Variants in BCAS3 observed in about 807,000 individuals in gnomAD.
BCAS3 encodes the protein BCAS4/BCAS3 fusion.
BCAS3 carries 53 observed loss-of-function variants against 116.1 expected under a neutral mutation model. The observed-to-expected ratio is 0.46, with a 90% confidence interval of 0.37 to 0.57. BCAS3 has a LOEUF of 0.57. Ranked by LOEUF, BCAS3 falls within the 20% of genes least tolerant of loss-of-function variation. The probability of loss-of-function intolerance (pLI) is 0.00; values close to 1 mark genes in which losing one functional copy is unlikely to be tolerated. For missense variants in BCAS3, 917 were observed against 1,165.4 expected, an observed-to-expected ratio of 0.79 and a Z score of 3.10; for synonymous variants, 391 against 408.2, an observed-to-expected ratio of 0.96 and a Z score of 0.51.
chr17:60,697,028 A>C (rs977777458), intron 4 of BCAS3, among the ~76,000 whole-genome samples: 3 of 151,832 alleles, frequency 2.0e-5, no homozygotes, highest in African/African-American at 7.3e-5. Context: ...CTCTACAAAA[A>C]AATATTAAAA....
intron 5 of BCAS3, among the ~76,000 whole-genome samples, chr17:60,746,926 T>C (rs1316250498): frequency 6.6e-6 from 1 of 152,198 alleles, no homozygotes; most frequent in Non-Finnish European, 1.5e-5. Context: ...AGATTTCTAA[T>C]GGTTTAATAA....
At position 61,037,463 on chromosome 17, in the gene BCAS3, C is replaced by A. The variant is rs928167439; in HGVS notation, c.1763-426C>A. Among the ~76,000 whole-genome samples, 2 of 152,174 alleles carry A rather than the reference C, an allele frequency of 1.3e-5. No homozygotes were observed. Among genetic ancestry groups the A allele is most frequent in the Non-Finnish European group, 2.9e-5 (2 of 68,040 alleles). On this transcript the variant is annotated intron_variant, in intron 17 of 23. Coordinates refer to ENST00000407086, the MANE Select transcript of BCAS3 (RefSeq NM_017679.5). The surrounding 1 kb of genome is among the most constrained non-coding windows in gnomAD (Gnocchi z 4.7). ...TACGAGGCAACCTTTAGGCAAGGAA[C>A]AAGCACCATATGAAAAAATTCCTGT...
chr17:61,346,652 G>A lies in BCAS3; in HGVS notation c.2426-21675G>A, dbSNP rs1304197167. 1.3e-5 allele frequency among the ~76,000 whole-genome samples: 2 copies of A among 152,154 alleles called. No homozygotes were observed. The highest frequency in any genetic ancestry group is 6.5e-5 in the Admixed American group (1 of 15,278). ...TGTAACTATTAAATGACAGAACAAG[G>A]GCCTTGAAGCCTGAGCCTTTAACCA... On this transcript the variant is annotated intron_variant, in intron 22 of 23. Coordinates refer to ENST00000407086, the MANE Select transcript of BCAS3 (RefSeq NM_017679.5). This position sits in a 1 kb window ranked among gnomAD's most constrained non-coding sequence, Gnocchi z 5.4.
intron 4 of BCAS3, among the ~76,000 whole-genome samples, chr17:60,696,976 C>G (rs1026793002): frequency 1.3e-5 from 2 of 151,632 alleles, no homozygotes; most frequent in Non-Finnish European, 2.9e-5. Context: ...CACTTGAGCC[C>G]AGGAGTTCAA....
intron 22 of BCAS3, among the ~76,000 whole-genome samples, chr17:61,275,209 A>G (rs1048026703): frequency 2.0e-5 from 3 of 152,250 alleles, no homozygotes; most frequent in African/African-American, 4.8e-5. Context: ...GCATCAGAAC[A>G]TAAGATCGAT....
intron 19 of BCAS3, among the ~76,000 whole-genome samples, chr17:61,042,891 C>CCAAAAAAA (rs1555682922): frequency 3.1e-4 from 18 of 58,288 alleles, no homozygotes; most frequent in African/African-American, 9.9e-4. Context: ...CTCCATCTCA[C>CCAAAAAAA]AAAAAAAAAA....
intron 22 of BCAS3, among the ~76,000 whole-genome samples, chr17:61,116,856 T>C (rs1038848864): frequency 5.3e-5 from 8 of 152,218 alleles, no homozygotes; most frequent in Admixed American, 1.3e-4. Flanking sequence ...AATGTGATGT[T>C]AATTGAAGTT....
At chr17:60,709,770 T>C (rs984290117) in intron 5 of BCAS3, among the ~76,000 whole-genome samples, 1 of 152,232 alleles carries the variant, frequency 6.6e-6, no homozygotes, top group Non-Finnish European at 1.5e-5. Context: ...AATTTTGATA[T>C]ATGTTTTACA....
chr17:61,179,791 T>G (rs1056490315), intron 22 of BCAS3, among the ~76,000 whole-genome samples: 2 of 151,950 alleles, frequency 1.3e-5, no homozygotes, highest in Non-Finnish European at 2.9e-5. Context: ...AAGGATAACC[T>G]TATGAACTCC....
At chr17:60,881,775 A>C (rs1182209545) in intron 9 of BCAS3, among the ~76,000 whole-genome samples, 1 of 150,374 alleles carries the variant, frequency 6.7e-6, no homozygotes, top group Non-Finnish European at 1.5e-5. Flanking sequence ...TGAACTCATC[A>C]TTTTTTATGG....
chr17:60,874,177 C>T (rs917042764), intron 8 of BCAS3, among the ~76,000 whole-genome samples: 10 of 152,122 alleles, frequency 6.6e-5, no homozygotes, highest in Admixed American at 5.2e-4. Context: ...AGTGATCCTC[C>T]TGCCTCAGCC....
At chr17:60,758,456 A>G (rs1327232604) in intron 6 of BCAS3, among the ~76,000 whole-genome samples, 1 of 152,018 alleles carries the variant, frequency 6.6e-6, no homozygotes, top group African/African-American at 2.4e-5. Flanking sequence ...TTCTTGGCTC[A>G]CTGCAGCCTC....
At chr17:60,881,970 T>A (rs1162553210) in intron 9 of BCAS3, among the ~76,000 whole-genome samples, 1 of 149,656 alleles carries the variant, frequency 6.7e-6, no homozygotes, top group African/African-American at 2.6e-5. Flanking sequence ...ATGGGATGGC[T>A]GGGTAAAATG....
intron 13 of BCAS3, among the ~76,000 whole-genome samples, chr17:60,929,724 C>T (rs2059546106): frequency 9.2e-6 from 1 of 108,138 alleles, no homozygotes; most frequent in Admixed American, 1.1e-4. Flanking sequence ...CCCCCCTCCC[C>T]CCACCCCACA....
rs1039458384 is a variant in BCAS3 at position 61,285,378 on chromosome 17, G to T, written c.2426-82949G>T. Among the ~76,000 whole-genome samples, 8 of 152,090 alleles carry T rather than the reference G, an allele frequency of 5.3e-5. No homozygotes were observed. Among genetic ancestry groups the T allele is most frequent in the Non-Finnish European group, 1.2e-4 (8 of 68,014 alleles). ...CTTCTCCAACATAACTTCCAGGTCT[G>T]AATACTTTGTTTTCTGCAGATTTTC... On this transcript the variant is annotated intron_variant, in intron 22 of 23. Transcript: ENST00000407086. This position sits in a 1 kb window ranked among gnomAD's most constrained non-coding sequence, Gnocchi z 5.4.
At chr17:61,297,720 A>AG (rs889200709) in intron 22 of BCAS3, among the ~76,000 whole-genome samples, 66 of 152,150 alleles carry the variant, frequency 4.3e-4, no homozygotes, top group African/African-American at 1.4e-3. Context: ...TCTGGTGGAG[A>AG]GGGTGAAATC....
At chr17:61,292,155 C>A (rs1215857466) in intron 22 of BCAS3, among the ~76,000 whole-genome samples, 1 of 152,078 alleles carries the variant, frequency 6.6e-6, no homozygotes, top group Non-Finnish European at 1.5e-5. Context: ...AGGAGAAATG[C>A]AGAACTTGGC....
rs571850788 is a variant in BCAS3, at chr17:61,246,218, C to T, written c.2426-122109C>T. On this transcript the variant is annotated intron_variant, in intron 22 of 23. Transcript: ENST00000407086. ...TGCTATGGCCGGGTACAGTGGCTCA[C>T]GCTTGTAATCCCAGCACTTTGGGAG... Among the ~76,000 whole-genome samples the T allele has an allele frequency of 7.6e-4, 115 of 152,062 alleles. 2 individuals carry two copies. Among genetic ancestry groups the T allele is most frequent in the African/African-American group, 2.7e-3 (113 of 41,494 alleles).
Position 61,171,903 on chromosome 17 carries a change from G to A in BCAS3, c.2425+87339G>A, listed in dbSNP as rs1014914000. Among the ~76,000 whole-genome samples the A allele has an allele frequency of 2.0e-5, 3 of 151,758 alleles. No individual in the cohort carries two copies. The highest frequency in any genetic ancestry group is 4.4e-5 in the Non-Finnish European group (3 of 68,002). ...TCACCTTGGCCTTCCAAAGTGTTACGATTACCAGTGTGAGCCACCATACCC... is the reference window on the plus strand; with the variant it reads ...TCACCTTGGCCTTCCAAAGTGTTACAATTACCAGTGTGAGCCACCATACCC... On this transcript the variant is annotated intron_variant, in intron 22 of 23. Coordinates refer to ENST00000407086, the MANE Select transcript of BCAS3 (RefSeq NM_017679.5). This position sits in a 1 kb window ranked among gnomAD's most constrained non-coding sequence, Gnocchi z 4.1.
Sources: gnomAD v4.1 joint callset for allele counts (sites outside exome capture counted in the v4.1 genomes callset) on GRCh38, gnomAD v4.1.1 for gene constraint, Gnocchi (gnomAD v3.1) non-coding constraint, MANE v1.5 for transcripts, NCBI Gene and HGNC (gene_info 2026-07-23, HGNC 2026-07-21) for gene names.